Variants in PCDHA1 observed in about 807,000 individuals in gnomAD.
PCDHA1 encodes the protein protocadherin alpha-1.
Under a neutral mutation model 61.3 loss-of-function variants are expected in PCDHA1, and 42 were observed. The observed-to-expected ratio is 0.69, with a 90% confidence interval of 0.54 to 0.89. The LOEUF (loss-of-function observed/expected upper bound fraction) is 0.89. PCDHA1 is among the 40% of genes least tolerant of loss of function. The probability of loss-of-function intolerance (pLI) is 0.00; values close to 1 mark genes in which losing one functional copy is unlikely to be tolerated. For missense variants in PCDHA1, 1,256 were observed against 1,235.3 expected (o/e 1.02, Z -0.25); for synonymous variants, 610 against 553.8 (o/e 1.10, Z -1.43).
chr5:140,932,032 A>G (rs2087965086), intron 1 of PCDHA1, among the ~76,000 whole-genome samples: 1 of 151,934 alleles, frequency 6.6e-6, no homozygotes, highest in African/African-American at 2.4e-5. Context: ...TTTACAGTAT[A>G]TATTAACATA....
chr5:140,803,079 A>C lies in PCDHA1; in HGVS notation c.2394+14395A>C, dbSNP rs1407582648. The C allele has an allele frequency of 4.3e-6, 7 of 1,613,834 alleles. No individual in the cohort carries two copies. The African/African-American group carries it at 6.7e-5, about 15-fold the overall frequency. The stretch of plus-strand genomic sequence containing the variant: ...CATCCCGTTTCGCGTGGGGCTGTAC[A>C]CGGGAGAGATCAGCACGACCCGTGC... On this transcript the variant is annotated intron_variant, in intron 1 of 3. Coordinates refer to ENST00000504120, the MANE Select transcript of PCDHA1 (RefSeq NM_018900.4).
intron 1 of PCDHA1, among the ~76,000 whole-genome samples, chr5:140,821,070 A>G (rs1317979536): frequency 6.6e-6 from 1 of 152,132 alleles, no homozygotes; most frequent in East Asian, 1.9e-4. Flanking sequence ...AAATAGTTTT[A>G]GTTGTTTTTG....
chr5:140,847,536 G>C (rs1162683759), intron 1 of PCDHA1: 1 of 149,444 alleles, frequency 6.7e-6, no homozygotes, highest in Non-Finnish European at 1.5e-5. Context: ...AGAATCTCAA[G>C]CATAGCTTTA....
intron 1 of PCDHA1, chr5:140,829,482 T>C: frequency 1.2e-6 from 2 of 1,613,684 alleles, no homozygotes; most frequent in Non-Finnish European, 1.7e-6. Context: ...ACAGTGTTCG[T>C]GAAGGAGAAC....
chr5:140,856,901 C>A, intron 1 of PCDHA1: 1 of 1,595,974 alleles, frequency 6.3e-7, no homozygotes, highest in Non-Finnish European at 8.6e-7. Flanking sequence ...CTCTTTGGTC[C>A]CACCCACGAT....
At chr5:140,988,571 C>T (rs1438476188) in intron 3 of PCDHA1, among the ~76,000 whole-genome samples, 7 of 152,168 alleles carry the variant, frequency 4.6e-5, no homozygotes, top group Non-Finnish European at 1.0e-4. Flanking sequence ...TGGGAAAACA[C>T]TCTGTACCTT....
chr5:140,870,857 G>C, intron 1 of PCDHA1: 1 of 1,613,916 alleles, frequency 6.2e-7, no homozygotes. Context: ...CGGTCGGTGG[G>C]TGCGGGCCAC....
rs1488596274 is a variant in PCDHA1, at chr5:140,841,538, G to A, written c.2394+52854G>A. 4 of 1,613,606 alleles carry A rather than the reference G, an allele frequency of 2.5e-6. No homozygotes were observed. The African/African-American group carries it at 5.3e-5, about 22-fold the overall frequency. ...CCGGGTGGCGTCCAAAAGACACCGG[G>A]ACCTTCTGGAGGTAAGTCTGCAGAA... On this transcript the variant is annotated intron_variant, in intron 1 of 3. Transcript: ENST00000504120.
At chr5:140,969,162 C>T in intron 1 of PCDHA1, 1 of 1,614,110 alleles carries the variant, frequency 6.2e-7, no homozygotes, top group Non-Finnish European at 8.5e-7. Flanking sequence ...TGTCTGACAG[C>T]AGGCTCAGGG....
chr5:140,883,862 C>T (rs1467289225), intron 1 of PCDHA1: 3 of 1,613,000 alleles, frequency 1.9e-6, no homozygotes, highest in Non-Finnish European at 1.7e-6. Flanking sequence ...GGAGCTGTTG[C>T]AGTTCCAGGT....
intron 1 of PCDHA1, among the ~76,000 whole-genome samples, chr5:140,840,107 G>A (rs2150303526): frequency 2.6e-5 from 4 of 151,884 alleles, no homozygotes; most frequent in East Asian, 1.9e-4. Flanking sequence ...TAGTGAAATC[G>A]AGTGAAAGCT....
intron 1 of PCDHA1, among the ~76,000 whole-genome samples, chr5:140,963,536 T>G (rs2095772178): frequency 6.6e-6 from 1 of 152,230 alleles, no homozygotes; most frequent in African/African-American, 2.4e-5. Flanking sequence ...TCCCATTTAC[T>G]TCATGATATA....
At chr5:140,828,215 G>T in intron 1 of PCDHA1, 2 of 1,614,016 alleles carry the variant, frequency 1.2e-6, no homozygotes, top group Middle Eastern at 1.7e-4. Context: ...GGCCAAACAC[G>T]GCACCTTCGT....
In PCDHA1 at chr5:140,843,133, C is replaced by T. The variant is rs2150353566; in HGVS notation, c.2394+54449C>T. The T allele has an allele frequency of 2.5e-6, 4 of 1,595,974 alleles. 1 individual carries two copies. The highest frequency in any genetic ancestry group is 3.4e-6 in the Non-Finnish European group (4 of 1,165,590). ...CAGTGGACGCCGACTCGGGCTACAA[C>T]GCGTGGCTTTCGTATGAGCTGCAGC... On this transcript the variant is annotated intron_variant, in intron 1 of 3. Transcript: ENST00000504120.
chr5:140,936,868 A>T (rs543976186), intron 1 of PCDHA1, among the ~76,000 whole-genome samples: 3 of 152,270 alleles, frequency 2.0e-5, no homozygotes, highest in South Asian at 2.1e-4. Flanking sequence ...TTTCTATTTT[A>T]AAAAACCCTG....
At chr5:140,835,766 G>A in intron 1 of PCDHA1, 2 of 1,613,386 alleles carry the variant, frequency 1.2e-6, no homozygotes, top group Non-Finnish European at 1.7e-6. Context: ...CCGAGTATAC[G>A]GTGTTCGTGA....
intron 1 of PCDHA1, chr5:140,858,292 C>T (rs1554151391): frequency 6.3e-7 from 1 of 1,597,508 alleles, no homozygotes; most frequent in East Asian, 2.2e-5. Context: ...GCTGGTCTTA[C>T]TCGCAGCAGA....
At chr5:140,807,687 T>A (rs782423945) in intron 1 of PCDHA1, 1 of 1,614,228 alleles carries the variant, frequency 6.2e-7, no homozygotes, top group East Asian at 2.2e-5. Flanking sequence ...GAGAACGCCC[T>A]GCTCACTTAC....
intron 1 of PCDHA1, chr5:140,849,515 T>C: frequency 6.3e-7 from 1 of 1,596,992 alleles, no homozygotes; most frequent in Non-Finnish European, 8.6e-7. Context: ...TTGTGGAAGT[T>C]GTGGATGTAA....
Sources: gnomAD v4.1 joint callset for allele counts (sites outside exome capture counted in the v4.1 genomes callset) on GRCh38, gnomAD v4.1.1 for gene constraint, MANE v1.5 for transcripts, NCBI Gene and HGNC (gene_info 2026-07-23, HGNC 2026-07-21) for gene names.